PGM3: variants seen among roughly 807,000 people sequenced by gnomAD.
The protein encoded by PGM3 is phosphoglucomutase 3.
A neutral mutation model predicts 66.2 loss-of-function variants in PGM3; 40 were observed. The ratio of observed to expected loss-of-function variants is 0.60; its 90% confidence interval spans 0.47 to 0.79. PGM3 has a LOEUF of 0.79. PGM3 is among the 30% of genes least tolerant of loss of function. The pLI is 0.00. For synonymous variants in PGM3, 191 were observed against 224.2 expected, an observed-to-expected ratio of 0.85 and a Z score of 1.32; for missense variants, 537 against 643.4, an observed-to-expected ratio of 0.83 and a Z score of 1.79.
the PGM3 span, chr6:83,156,105 T>TA: frequency 4.4e-6 from 7 of 1,600,648 alleles, no homozygotes; most frequent in Admixed American, 1.8e-5. Flanking sequence ...ATATACAAGG[T>TA]AAAAAATGAA....
chr6:83,171,842 T>C, intron 11 of PGM3, 95 bp downstream of exon 11: 1 of 1,001,076 alleles, frequency 1.0e-6, no homozygotes, highest in Admixed American at 2.0e-5. Context: ...CAGAATGAAA[T>C]AGGAAACATA....
the PGM3 span, among the ~76,000 whole-genome samples, chr6:83,152,604 G>GTGTTTTT: frequency 2.0e-5 from 3 of 147,718 alleles, no homozygotes; most frequent in Non-Finnish European, 4.5e-5. Flanking sequence ...TCTTTTTTAT[G>GTGTTTTT]TGTTTTTTTC....
the PGM3 span, chr6:83,154,369 T>C: frequency 1.2e-6 from 1 of 819,132 alleles, no homozygotes; most frequent in Non-Finnish European, 2.0e-6. Flanking sequence ...AGTGGGGATA[T>C]GTGCTCTAGG....
intron 3 of PGM3, among the ~76,000 whole-genome samples, chr6:83,187,621 C>G (rs1046973746): frequency 6.6e-6 from 1 of 152,032 alleles, no homozygotes; most frequent in Admixed American, 6.6e-5. Context: ...CTGGCCAACA[C>G]GGTGAAACCA....
rs983407974 is a variant in PGM3, at chr6:83,168,972, T to C, written c.*262A>G. ...TTGTTCCCCACATAAAACTGTACAG[T>C]TAGTGACTGAATTGTATACTTAAGT... On this transcript the variant is annotated 3_prime_UTR_variant, in exon 13 of 13. Coordinates refer to ENST00000513973, the MANE Select transcript of PGM3 (RefSeq NM_015599.3). 51 of 1,228,026 alleles carry C rather than the reference T, an allele frequency of 4.2e-5. No individual in the cohort carries two copies. The Admixed American group carries it at 5.9e-4, about 14-fold the overall frequency. 76.1% of individuals were successfully genotyped at this position (1,228,026 alleles called of 1,614,324 possible). A position where few individuals can be genotyped will look rare whatever the true frequency, so the allele number is the denominator to read the frequency against.
chr6:83,155,430 T>G, the PGM3 span, among the ~76,000 whole-genome samples: 1 of 152,062 alleles, frequency 6.6e-6, no homozygotes, highest in African/African-American at 2.4e-5. Context: ...CCACTGCACT[T>G]CAGACTGGGT....
chr6:83,169,320 T>C lies in PGM3; in HGVS notation c.1543A>G (p.Ser515Gly). ...RVYAEADSQE[S>G]ADHLAHEVSL... The stretch of plus-strand genomic sequence containing the variant: ...ACTTCATGTGCAAGGTGATCTGCAC[T>C]TTCCTGCAAATTACATTAAAAGAGA... Residue 515 changes from serine (S) to glycine (G), a missense_variant, in exon 13 of 13, where the codon AGT becomes GGT. By Grantham distance (56) the Ser-to-Gly change is moderately conservative. Coordinates refer to ENST00000513973, the MANE Select transcript of PGM3 (RefSeq NM_015599.3). 7 of 1,613,272 alleles carry C rather than the reference T, an allele frequency of 4.3e-6. No homozygotes were observed. Among genetic ancestry groups the C allele is most frequent in the Non-Finnish European group, 5.9e-6 (7 of 1,179,282 alleles).
the PGM3 span, chr6:83,148,999 G>T: frequency 1.0e-5 from 5 of 501,158 alleles, no homozygotes; most frequent in Non-Finnish European, 1.6e-5. Flanking sequence ...TGCAAAACTA[G>T]ATGTATAAGG....
chr6:83,181,213 G>A (rs936111335), intron 6 of PGM3, among the ~76,000 whole-genome samples: 1 of 152,130 alleles, frequency 6.6e-6, no homozygotes, highest in Non-Finnish European at 1.5e-5. Flanking sequence ...AACTGTATAA[G>A]CAGAGTTACA....
In PGM3 at chr6:83,169,304, G is replaced by A; in HGVS notation, c.1559C>T (p.Ala520Val). 6.2e-7 allele frequency: 1 copy of A among 1,613,504 alleles called. No homozygotes were observed. Among genetic ancestry groups the A allele is most frequent in the Non-Finnish European group, 8.5e-7 (1 of 1,179,458 alleles). The part of the protein sequence containing the change: ...ADSQESADHL[A>V]HEVSLAVFQL... The stretch of plus-strand genomic sequence containing the variant: ...AAATACTGCCAAGCTCACTTCATGT[G>A]CAAGGTGATCTGCACTTTCCTGCAA... Residue 520 changes from alanine (A) to valine (V), a missense_variant, in exon 13 of 13, where the codon GCA becomes GTA. Ala to Val is a moderately conservative substitution (Grantham distance 64). Transcript: ENST00000513973.
intron 10 of PGM3, among the ~76,000 whole-genome samples, chr6:83,173,903 A>AT (rs1165569922): frequency 6.6e-6 from 1 of 151,778 alleles, no homozygotes; most frequent in Non-Finnish European, 1.5e-5. Flanking sequence ...TGCCCGGCTA[A>AT]TTTTTTGTAT....
intron 1 of PGM3, among the ~76,000 whole-genome samples, chr6:83,192,727 G>A (rs534870489): frequency 6.6e-6 from 1 of 151,838 alleles, no homozygotes; most frequent in Non-Finnish European, 1.5e-5. Flanking sequence ...CAGATAATAT[G>A]AGTTCATCCT....
At position 83,166,484 on chromosome 6, in the gene PGM3, A is replaced by T. The variant is rs1196925264; in HGVS notation, c.*2750T>A. On this transcript the variant is annotated 3_prime_UTR_variant, in exon 13 of 13. Coordinates refer to ENST00000513973, the MANE Select transcript of PGM3 (RefSeq NM_015599.3). The stretch of plus-strand genomic sequence containing the variant: ...TTTATAACCTATTTTGAACTCAGAA[A>T]ATCGCTAAATTTGATTTTTGTCTAA... The T allele has an allele frequency of 1.4e-6, 1 of 698,732 alleles. No homozygotes were observed. The highest frequency in any genetic ancestry group is 2.6e-6 in the Non-Finnish European group (1 of 384,060). The allele number at this position is 698,732 out of a possible 1,614,324, so 43.3% of individuals were successfully genotyped here.
Position 83,182,907 on chromosome 6 carries a change from T to C in PGM3, c.529A>G (p.Lys177Glu). Reference sequence around the variant, plus strand: ...TGGTAGTAACCTTCTATAGTTGCCTTTCCATATCGGCCACCCGTGTTTCGA... The same window carrying C: ...TGGTAGTAACCTTCTATAGTTGCCTCTCCATATCGGCCACCCGTGTTTCGA... ...YCRNTGGRYG[K>E]ATIEGYYQKL... is the part of the protein sequence containing the mutation. The change falls in exon 5 of 13, where the codon AAG (lysine) becomes GAG (glutamate). Residue 177 changes from lysine (K) to glutamate (E), a missense_variant. Lys to Glu is a moderately conservative substitution (Grantham distance 56). Transcript: ENST00000513973. The C allele has an allele frequency of 1.9e-6, 3 of 1,614,088 alleles. No homozygotes were observed. Among genetic ancestry groups the C allele is most frequent in the African/African-American group, 2.7e-5 (2 of 75,066 alleles).
chr6:83,176,040 C>A lies in PGM3; in HGVS notation c.1050G>T (p.Lys350Asn). 3 of 1,600,650 alleles carry A rather than the reference C, an allele frequency of 1.9e-6. No homozygotes were observed. Among genetic ancestry groups the A allele is most frequent in the Non-Finnish European group, 1.7e-6 (2 of 1,167,842 alleles). The change falls in exon 9 of 13, where the codon AAG becomes AAT. Residue 350 changes from lysine (K) to asparagine (N), a missense_variant. Transcript: ENST00000513973. Reference sequence around the variant, plus strand: ...TGTGGTGCAAATGTTTTACACCAGTCTTAGTGCAATAGACAGGTACCTATA... The same window carrying A: ...TGTGGTGCAAATGTTTTACACCAGTATTAGTGCAATAGACAGGTACCTATA... ...EVMKVPVYCT[K>N]TGVKHLHHKA...
At position 83,168,216 on chromosome 6, in the gene PGM3, AAC is replaced by A. The variant is rs755985334; in HGVS notation, c.*1016_*1017del. 1 of 1,563,082 alleles carries A rather than the reference AAC, an allele frequency of 6.4e-7. No individual in the cohort carries two copies. The highest frequency in any genetic ancestry group is 2.3e-5 in the East Asian group (1 of 43,966). Reference sequence around the variant, plus strand: ...CTTACATGTAAATGTAATTATTTAAAACACACACACTGCTCTGCGTTGTATAG... The same window carrying A: ...CTTACATGTAAATGTAATTATTTAAAACACACACTGCTCTGCGTTGTATAG... On this transcript the variant is annotated 3_prime_UTR_variant, in exon 13 of 13. Transcript: ENST00000513973.
At position 83,182,835 on chromosome 6, in the gene PGM3, A is replaced by C; in HGVS notation, c.591+10T>G. The C allele has an allele frequency of 3.1e-6, 5 of 1,612,222 alleles. No individual in the cohort carries two copies. The South Asian group carries it at 5.5e-5, about 18-fold the overall frequency. ...TGTTTAACTTTAACCATGTTCAATA[A>C]ACTTTTCACCTGTTTGGTGAGTTCC... On this transcript the variant is annotated intron_variant, in intron 5 of 12. Coordinates refer to ENST00000513973, the MANE Select transcript of PGM3 (RefSeq NM_015599.3).
chr6:83,174,934 A>C (rs1247683436), intron 9 of PGM3, among the ~76,000 whole-genome samples: 1 of 152,222 alleles, frequency 6.6e-6, no homozygotes, highest in Non-Finnish European at 1.5e-5. Context: ...AAGAGTTCAT[A>C]GTATTCATCA....
At chr6:83,176,683 T>C (rs1344123389) in intron 8 of PGM3, among the ~76,000 whole-genome samples, 1 of 152,050 alleles carries the variant, frequency 6.6e-6, no homozygotes, top group East Asian at 1.9e-4. Flanking sequence ...GCTTTAAGAA[T>C]GGTTAAGGAA....
Sources: allele counts gnomAD v4.1 joint callset (sites outside exome capture counted in the v4.1 genomes callset), GRCh38; gene constraint gnomAD v4.1.1; transcripts MANE v1.5; gene names NCBI Gene and HGNC (gene_info 2026-07-23, HGNC 2026-07-21).